The following SHB variants were observed in gnomAD, a reference collection of about 807,000 sequenced individuals.
SHB encodes SH2 domain containing adaptor protein B.
A neutral mutation model predicts 52.3 loss-of-function variants in SHB; 20 were observed. The observed-to-expected ratio is 0.38, with a 90% CI of 0.27 to 0.56. The LOEUF is 0.56. Ranked by LOEUF, SHB falls within the 20% of genes least tolerant of loss-of-function variation. SHB has a pLI of 0.71. For synonymous variants in SHB, 397 were observed against 316.5 expected (o/e 1.25, Z -2.70); for missense variants, 825 against 723.3 (o/e 1.14, Z -1.61).
chr9:37,974,924 A>T (rs2117967753), intron 2 of SHB, 87 bp from the exon 3 acceptor site: 1 of 1,158,052 alleles, frequency 8.6e-7, no homozygotes. Context: ...ACAAACTCAG[A>T]GCTGCCAGCG....
chr9:37,925,470 T>A (rs1333161301), intron 5 of SHB, among the ~76,000 whole-genome samples: 2 of 152,200 alleles, frequency 1.3e-5, no homozygotes, highest in Admixed American at 6.5e-5. Context: ...CAGGGAAGAA[T>A]GCACCAGAGC....
At chr9:37,978,586 C>T (rs870410) in intron 2 of SHB, among the ~76,000 whole-genome samples, 87,015 of 152,084 alleles carry the variant, frequency 0.57, 25,299 homozygotes, top group East Asian at 0.77. Context: ...CAAAGTATAA[C>T]GCAGGCTTTT....
Position 37,917,840 on chromosome 9 carries a change from G to A in SHB, c.*1981C>T, listed in dbSNP as rs2118441497. On this transcript the variant is annotated 3_prime_UTR_variant, in exon 6 of 6. Coordinates refer to ENST00000377707, the MANE Select transcript of SHB (RefSeq NM_003028.3). The stretch of plus-strand genomic sequence containing the variant: ...AGCCAGCGTGGTCTCTATGAGGGCT[G>A]GGCCACGTGGACGTGCCAGACAAGG... Among the ~76,000 whole-genome samples, 1 of 152,384 alleles carries A rather than the reference G, an allele frequency of 6.6e-6. No homozygotes were observed. The highest frequency in any genetic ancestry group is 2.1e-4 in the South Asian group (1 of 4,830).
intron 1 of SHB, among the ~76,000 whole-genome samples, chr9:38,064,963 TA>T (rs889470379): frequency 6.6e-6 from 1 of 151,606 alleles, no homozygotes; most frequent in African/African-American, 2.4e-5. Flanking sequence ...TCTCTACAAA[TA>T]AAAAAAATTA....
In SHB at chr9:38,068,265, G is replaced by A. The variant is rs1181252349; in HGVS notation, c.381C>T (p.Ala127=). ...GSGEPGGVQR[A]FSASSASGAA... ...CGCCCGACGCGGACGAGGCCGAGAAGGCGCGCTGGACCCCGCCTGGCTCCC... is the reference window on the plus strand; with the variant it reads ...CGCCCGACGCGGACGAGGCCGAGAAAGCGCGCTGGACCCCGCCTGGCTCCC... The change falls in exon 1 of 6, where the codon GCC becomes GCT. Residue 127 remains alanine (A), a synonymous_variant. Transcript: ENST00000377707. 6 of 1,452,936 alleles carry A rather than the reference G, an allele frequency of 4.1e-6. No homozygotes were observed. Among genetic ancestry groups the A allele is most frequent in the Middle Eastern group, 2.4e-4 (1 of 4,112 alleles). The allele number at this position is 1,452,936 out of a possible 1,614,324, so 90.0% of individuals were successfully genotyped here. A position where few individuals can be genotyped will look rare whatever the true frequency, so the allele number is the denominator to read the frequency against.
Position 38,068,124 on chromosome 9 carries a change from G to T in SHB, c.522C>A (p.Ala174=), listed in dbSNP as rs1170907867. Residue 174 remains alanine, a synonymous_variant, in exon 1 of 6, where the codon GCC becomes GCA. Transcript: ENST00000377707. ...GCTTGGGGGAGATGTAGCGCACCTC[G>T]GCCGGCGTGGCGGGCCGCCGCTCGC... ...SSSERRPATP[A]EVRYISPKHR... is the part of the protein sequence containing the mutation. 6.9e-7 allele frequency: 1 copy of T among 1,459,156 alleles called. No individual in the cohort carries two copies. The highest frequency in any genetic ancestry group is 8.9e-7 in the Non-Finnish European group (1 of 1,118,294). The allele number at this position is 1,459,156 out of a possible 1,614,324, so 90.4% of individuals were successfully genotyped here. A position where few individuals can be genotyped will look rare whatever the true frequency, so the allele number is the denominator to read the frequency against.
At chr9:38,007,367 C>T (rs1821086462) in intron 2 of SHB, among the ~76,000 whole-genome samples, 1 of 152,214 alleles carries the variant, frequency 6.6e-6, no homozygotes, top group Non-Finnish European at 1.5e-5. Context: ...GGACCAGTCC[C>T]TTCCTTCACG....
intron 5 of SHB, among the ~76,000 whole-genome samples, chr9:37,946,012 A>G (rs971697026): frequency 2.0e-5 from 3 of 152,256 alleles, no homozygotes; most frequent in South Asian, 2.1e-4. Flanking sequence ...TGACCCCAGG[A>G]AACAGGGGCA....
At chr9:37,987,832 C>T (rs970321653) in intron 2 of SHB, among the ~76,000 whole-genome samples, 1 of 152,140 alleles carries the variant, frequency 6.6e-6, no homozygotes, top group Non-Finnish European at 1.5e-5. Context: ...CTGCTGGTGC[C>T]GGCCTGGCTG....
At position 38,067,630 on chromosome 9, in the gene SHB, T is replaced by C. The variant is rs543938568; in HGVS notation, c.717+299A>G. Among the ~76,000 whole-genome samples, 19 of 152,284 alleles carry C rather than the reference T, an allele frequency of 1.2e-4. No homozygotes were observed. The South Asian group carries it at 3.7e-3, about 30-fold the overall frequency. ...TCCTAGACAGCTCTGACTCTGACTTTACTCCTTGGCAGCCAGAAGGACTGA... is the reference window on the plus strand; with the variant it reads ...TCCTAGACAGCTCTGACTCTGACTTCACTCCTTGGCAGCCAGAAGGACTGA... On this transcript the variant is annotated intron_variant, in intron 1 of 5. Transcript: ENST00000377707.
intron 3 of SHB, among the ~76,000 whole-genome samples, chr9:37,973,740 G>A (rs983027340): frequency 6.6e-6 from 1 of 152,142 alleles, no homozygotes; most frequent in African/African-American, 2.4e-5. Context: ...AGGGGCTCTT[G>A]GCCAGGGGAG....
At chr9:38,020,691 A>T (rs976107889) in intron 1 of SHB, among the ~76,000 whole-genome samples, 1 of 152,204 alleles carries the variant, frequency 6.6e-6, no homozygotes, top group African/African-American at 2.4e-5. Flanking sequence ...CCAAAATCTC[A>T]CAAATCACCA....
intron 2 of SHB, among the ~76,000 whole-genome samples, chr9:37,999,041 GCC>G (rs1820982221): frequency 1.3e-5 from 2 of 152,206 alleles, no homozygotes; most frequent in African/African-American, 2.4e-5. Flanking sequence ...GCCCTGGGGA[GCC>G]CCTCAGTGAG....
intron 5 of SHB, among the ~76,000 whole-genome samples, chr9:37,942,800 C>T (rs992422582): frequency 6.6e-6 from 1 of 152,128 alleles, no homozygotes; most frequent in Admixed American, 6.5e-5. Context: ...TCCTGGGATG[C>T]CTGCCCACGT....
chr9:37,928,787 C>T (rs765482397), intron 5 of SHB, among the ~76,000 whole-genome samples: 1 of 152,208 alleles, frequency 6.6e-6, no homozygotes, highest in African/African-American at 2.4e-5. Flanking sequence ...AGACACAGAG[C>T]GGAATCTGCC....
chr9:38,010,447 T>C (rs555136781), intron 2 of SHB, among the ~76,000 whole-genome samples: 2 of 152,318 alleles, frequency 1.3e-5, no homozygotes, highest in African/African-American at 4.8e-5. Context: ...TACATGCTCT[T>C]GCCCCATGAG....
chr9:38,068,461 C>G lies in SHB; in HGVS notation c.185G>C (p.Cys62Ser). The change falls in exon 1 of 6, where the codon TGC becomes TCC. Residue 62 changes from cysteine (C) to serine (S), a missense_variant. By Grantham distance (112) the Cys-to-Ser change is moderately radical. Transcript: ENST00000377707. ...CAGCGAGCCCGAAGAGGCTGAGAAG[C>G]AGGAGGCGGTGGCCGGACCGCAGGA... is the stretch of plus-strand genomic sequence containing the variant. ...SASCGPATAS[C>S]FSASSGSLPD... The G allele has an allele frequency of 1.3e-6, 2 of 1,523,772 alleles. No individual in the cohort carries two copies. Among genetic ancestry groups the G allele is most frequent in the African/African-American group, 1.4e-5 (1 of 69,830 alleles). 94.4% of individuals were successfully genotyped at this position (1,523,772 alleles called of 1,614,324 possible).
chr9:37,935,177 T>G (rs1272570980), intron 5 of SHB, among the ~76,000 whole-genome samples: 1 of 152,244 alleles, frequency 6.6e-6, no homozygotes, highest in Non-Finnish European at 1.5e-5. Context: ...CTGCGTTTGT[T>G]GCCTCAGTCA....
chr9:37,963,237 G>A (rs1254482098), intron 3 of SHB, among the ~76,000 whole-genome samples: 1 of 152,216 alleles, frequency 6.6e-6, no homozygotes, highest in Non-Finnish European at 1.5e-5. Flanking sequence ...AGACTGGCAT[G>A]GTTCTCCAAG....
Sources: gnomAD v4.1 joint callset for allele counts (sites outside exome capture counted in the v4.1 genomes callset) on GRCh38, gnomAD v4.1.1 for gene constraint, MANE v1.5 for transcripts, NCBI Gene and HGNC (gene_info 2026-07-23, HGNC 2026-07-21) for gene names.